GPRC5C: variants seen among roughly 807,000 people sequenced by gnomAD.
GPRC5C encodes the protein G protein-coupled receptor family C group 5 member C.
GPRC5C carries 22 observed loss-of-function variants against 31.4 expected under a neutral mutation model. The ratio of observed to expected loss-of-function variants is 0.70; its 90% CI spans 0.50 to 1.00. The LOEUF is 1.00. Among genes scored for constraint, GPRC5C ranks in the 50% least tolerant of loss-of-function variants. The pLI, the probability that GPRC5C is intolerant of heterozygous loss-of-function variation, is 0.00. For synonymous variants in GPRC5C, 249 were observed against 257.5 expected (o/e 0.97, Z 0.32); for missense variants, 557 against 597.2 (o/e 0.93, Z 0.70).
downstream of GPRC5C, chr17:74,450,481 G>A (rs1467010021): frequency 1.3e-5 from 2 of 152,240 alleles, no homozygotes; most frequent in Admixed American, 6.5e-5. Flanking sequence ...TGAGATCCAG[G>A]ACTAAAGATT....
Position 74,440,699 on chromosome 17 carries a change from C to T in GPRC5C, c.923C>T (p.Pro308Leu), listed in dbSNP as rs2055521705. The T allele has an allele frequency of 6.2e-7, 1 of 1,607,562 alleles. No homozygotes were observed. Among genetic ancestry groups the T allele is most frequent in the Non-Finnish European group, 8.5e-7 (1 of 1,174,830 alleles). ...GTCTCCCAGGTGACCAAGTCCAGCC[C>T]AGAGCAAAGCTACCAGGGGGACATG... ...PEVSQVTKSS[P>L]EQSYQGDMYP... The change falls in exon 2 of 4, where the codon CCA becomes CTA. Residue 308 changes from proline (P) to leucine (L), a missense_variant. Pro to Leu is a moderately conservative substitution (Grantham distance 98, BLOSUM62 -3). Transcript: ENST00000392627. The surrounding 1 kb of genome is among the most constrained non-coding windows in gnomAD (Gnocchi z 4.4).
chr17:74,432,420 C>T lies in GPRC5C; in HGVS notation c.-33+279C>T. The T allele has an allele frequency of 3.5e-6, 4 of 1,143,678 alleles. No individual in the cohort carries two copies. The South Asian group carries it at 1.4e-4, about 40-fold the overall frequency. The allele number at this position is 1,143,678 out of a possible 1,614,324, so 70.8% of individuals were successfully genotyped here. ...CCATCCCAGCCAGGACCGGGCCTGG[C>T]CCAGCGCCCCGCGCCGCGTCCCTCC... On this transcript the variant is annotated intron_variant, in intron 1 of 3. Coordinates refer to ENST00000392627, the MANE Select transcript of GPRC5C (RefSeq NM_022036.4).
At chr17:74,434,143 T>G (rs1171479920) in intron 1 of GPRC5C, among the ~76,000 whole-genome samples, 1 of 152,156 alleles carries the variant, frequency 6.6e-6, no homozygotes, top group Non-Finnish European at 1.5e-5. Flanking sequence ...TAAAAATATT[T>G]GTACAACTGA....
intron 2 of GPRC5C, among the ~76,000 whole-genome samples, chr17:74,442,431 C>G (rs1323648697): frequency 6.6e-6 from 1 of 152,238 alleles, no homozygotes; most frequent in East Asian, 1.9e-4. Context: ...AATCCCCTTA[C>G]CGATGTGGCC....
Position 74,443,866 on chromosome 17 carries a change from C to T in GPRC5C, c.1100C>T (p.Thr367Ile). 1 of 1,613,524 alleles carries T rather than the reference C, an allele frequency of 6.2e-7. No homozygotes were observed. The highest frequency in any genetic ancestry group is 8.5e-7 in the Non-Finnish European group (1 of 1,179,516). Reference sequence around the variant, plus strand: ...AGCGGGTACAATGGGCAGCTGCTGACCAGTGTGTACCAGCCCACTGAGATG... The same window carrying T: ...AGCGGGTACAATGGGCAGCTGCTGATCAGTGTGTACCAGCCCACTGAGATG... ...PYSGYNGQLL[T>I]SVYQPTEMAL... Residue 367 changes from threonine (T) to isoleucine (I), a missense_variant, in exon 3 of 4, where the codon ACC (threonine) becomes ATC (isoleucine). By Grantham distance (89) the Thr-to-Ile change is moderately conservative. Coordinates refer to ENST00000392627, the MANE Select transcript of GPRC5C (RefSeq NM_022036.4).
intron 1 of GPRC5C, among the ~76,000 whole-genome samples, chr17:74,433,252 T>C (rs976115870): frequency 1.2e-4 from 15 of 129,710 alleles, no homozygotes; most frequent in Admixed American, 6.9e-4. Context: ...CCCACCCCTG[T>C]GCCTTCAACT....
chr17:74,448,699 C>T, downstream of GPRC5C: 1 of 439,248 alleles, frequency 2.3e-6, no homozygotes. Flanking sequence ...TTTTAATCCC[C>T]AAGGCTGCCC....
Position 74,440,379 on chromosome 17 carries a change from C to T in GPRC5C, c.603C>T (p.Pro201=), listed in dbSNP as rs773529430. 1.2e-6 allele frequency: 2 copies of T among 1,614,114 alleles called. No individual in the cohort carries two copies. The highest frequency in any genetic ancestry group is 2.2e-5 in the East Asian group (1 of 44,882). ...NSSAGWAVAS[P]CAIANMDFVM... ...GCGCAGGCTGGGCCGTGGCCTCCCC[C>T]TGTGCCATCGCCAACATGGACTTTG... Residue 201 remains proline (P), a synonymous_variant, in exon 2 of 4, where the codon CCC becomes CCT. Transcript: ENST00000392627. The surrounding 1 kb of genome is among the most constrained non-coding windows in gnomAD (Gnocchi z 4.4).
chr17:74,434,050 T>C (rs2055396315), intron 1 of GPRC5C, among the ~76,000 whole-genome samples: 2 of 151,890 alleles, frequency 1.3e-5, no homozygotes, highest in South Asian at 4.2e-4. Context: ...AGGAGGGAGG[T>C]TCAGCAACTG....
chr17:74,441,091 A>G (rs776356210), intron 2 of GPRC5C, among the ~76,000 whole-genome samples: 5 of 151,994 alleles, frequency 3.3e-5, no homozygotes, highest in Non-Finnish European at 7.4e-5. Context: ...CCTGATCCAC[A>G]TGGTGAAACC....
chr17:74,437,092 C>T (rs758347247), intron 1 of GPRC5C, among the ~76,000 whole-genome samples: 2 of 152,060 alleles, frequency 1.3e-5, no homozygotes, highest in East Asian at 1.9e-4. Flanking sequence ...TACAGGCGCA[C>T]GCCACCACAC....
At chr17:74,435,859 C>T (rs1352051643) in intron 1 of GPRC5C, among the ~76,000 whole-genome samples, 1 of 152,206 alleles carries the variant, frequency 6.6e-6, no homozygotes, top group Non-Finnish European at 1.5e-5. Flanking sequence ...TAGATTTGAA[C>T]TTGTAGTATG....
chr17:74,435,001 C>T (rs1466769848), intron 1 of GPRC5C, among the ~76,000 whole-genome samples: 2 of 151,962 alleles, frequency 1.3e-5, no homozygotes, highest in Admixed American at 1.3e-4. Flanking sequence ...GGGCGGATCA[C>T]GAGGTCAGGA....
rs778249251 is a variant in GPRC5C at position 74,447,051 on chromosome 17, G to C, written c.*23G>C. 6.3e-6 allele frequency: 10 copies of C among 1,598,344 alleles called. No homozygotes were observed. Among genetic ancestry groups the C allele is most frequent in the Non-Finnish European group, 8.6e-6 (10 of 1,168,212 alleles). ...TGAGTCAGCGGTGGCGAGGAGAGGC[G>C]GGCGGATTTGGGGAGGGCCCTGAGG... is the stretch of plus-strand genomic sequence containing the variant. On this transcript the variant is annotated 3_prime_UTR_variant, in exon 4 of 4. Coordinates refer to ENST00000392627, the MANE Select transcript of GPRC5C (RefSeq NM_022036.4).
chr17:74,439,953 G>T lies in GPRC5C; in HGVS notation c.177G>T (p.Ala59=). 1 of 1,610,726 alleles carries T rather than the reference G, an allele frequency of 6.2e-7. No individual in the cohort carries two copies. The highest frequency in any genetic ancestry group is 1.7e-5 in the Admixed American group (1 of 60,028). Residue 59 remains alanine, a synonymous_variant, in exon 2 of 4, where the codon GCG becomes GCT. Coordinates refer to ENST00000392627, the MANE Select transcript of GPRC5C (RefSeq NM_022036.4). ...WGIVLEAVAG[A]GIVTTFVLTI... ...TCGTCCTGGAGGCCGTGGCTGGGGC[G>T]GGCATTGTCACCACGTTTGTGCTCA...
chr17:74,434,825 A>C (rs1196189175), intron 1 of GPRC5C, among the ~76,000 whole-genome samples: 1 of 151,998 alleles, frequency 6.6e-6, no homozygotes, highest in Non-Finnish European at 1.5e-5. Context: ...CGGGAGGCTG[A>C]GGCAGGAGAA....
intron 2 of GPRC5C, among the ~76,000 whole-genome samples, chr17:74,441,429 G>A (rs1004073975): frequency 1.3e-4 from 20 of 152,174 alleles, no homozygotes; most frequent in African/African-American, 4.8e-4. Context: ...CCCCAGAAGT[G>A]ACCACTATTG....
At position 74,440,350 on chromosome 17, in the gene GPRC5C, A is replaced by G. The variant is rs745955857; in HGVS notation, c.574A>G (p.Ser192Gly). The change falls in exon 2 of 4, where the codon AGC (serine) becomes GGC (glycine). Residue 192 changes from serine to glycine, a missense_variant. By Grantham distance (56) the Ser-to-Gly change is moderately conservative (BLOSUM62 0). Coordinates refer to ENST00000392627, the MANE Select transcript of GPRC5C (RefSeq NM_022036.4). This position sits in a 1 kb window ranked among gnomAD's most constrained non-coding sequence, Gnocchi z 4.4. ...TGGCGAGGGCGGCCCTCAGGGCAAC[A>G]GCAGCGCAGGCTGGGCCGTGGCCTC... ...GSGEGGPQGN[S>G]SAGWAVASPC... is the part of the protein sequence containing the mutation. 1.7e-5 allele frequency: 27 copies of G among 1,613,960 alleles called. No homozygotes were observed. In the Admixed American group the frequency reaches 3.7e-4, roughly 22 times the overall value.
intron 1 of GPRC5C, chr17:74,432,575 G>A: frequency 4.2e-6 from 4 of 947,668 alleles, no homozygotes; most frequent in Non-Finnish European, 5.0e-6. Flanking sequence ...GGGTCGGGAC[G>A]GCGGGGAGTG....
Sources: gnomAD v4.1 joint callset for allele counts (sites outside exome capture counted in the v4.1 genomes callset) on GRCh38, gnomAD v4.1.1 for gene constraint, Gnocchi (gnomAD v3.1) non-coding constraint, MANE v1.5 for transcripts, NCBI Gene and HGNC (gene_info 2026-07-23, HGNC 2026-07-21) for gene names.